Variants in JARID2 observed in about 807,000 individuals in gnomAD.
JARID2 encodes the protein protein Jumonji.
In JARID2, 21 loss-of-function variants were observed where a neutral mutation model predicts 125.6. The ratio of observed to expected loss-of-function variants is 0.17; its 90% CI spans 0.12 to 0.24. The LOEUF is 0.24. Among genes scored for constraint, JARID2 ranks in the 10% least tolerant of loss-of-function variants. The probability of loss-of-function intolerance (pLI) is 1.00; values close to 1 mark genes in which losing one functional copy is unlikely to be tolerated. For missense variants in JARID2, 1,303 were observed against 1,639.6 expected (o/e 0.79, Z 3.55); for synonymous variants, 736 against 661.6 (o/e 1.11, Z -1.73).
At chr6:15,403,616 T>C (rs959557897) in intron 2 of JARID2, among the ~76,000 whole-genome samples, 1 of 152,208 alleles carries the variant, frequency 6.6e-6, no homozygotes, top group African/African-American at 2.4e-5. Context: ...ATTTTCCTTA[T>C]CTACCCAGTG....
At chr6:15,498,853 G>T (rs1199855659) in intron 7 of JARID2, among the ~76,000 whole-genome samples, 6 of 152,246 alleles carry the variant, frequency 3.9e-5, no homozygotes, top group Non-Finnish European at 8.8e-5. Context: ...GACTACTTGG[G>T]ACACAGGATG....
intron 5 of JARID2, among the ~76,000 whole-genome samples, chr6:15,486,020 G>T (rs1043441739): frequency 6.6e-6 from 1 of 152,220 alleles, no homozygotes; most frequent in Non-Finnish European, 1.5e-5. Context: ...CCTGGTTGGG[G>T]TGGGGATGGC....
At chr6:15,490,660 G>A (rs1770107803) in intron 6 of JARID2, among the ~76,000 whole-genome samples, 1 of 152,224 alleles carries the variant, frequency 6.6e-6, no homozygotes, top group Non-Finnish European at 1.5e-5. Flanking sequence ...TAATAATTTG[G>A]TTGTATGGTA....
chr6:15,480,872 C>T (rs2237126), intron 5 of JARID2, among the ~76,000 whole-genome samples: 120,019 of 151,598 alleles, frequency 0.79, 47,559 homozygotes, highest in African/African-American at 0.83. Context: ...CGATCAGTTT[C>T]TCATAGGGCT....
At chr6:15,458,530 T>C (rs1450905438) in intron 4 of JARID2, among the ~76,000 whole-genome samples, 2 of 152,262 alleles carry the variant, frequency 1.3e-5, no homozygotes, top group Non-Finnish European at 2.9e-5. Context: ...AGTGATCAGC[T>C]GTCATTCAGT....
intron 1 of JARID2, among the ~76,000 whole-genome samples, chr6:15,303,776 CA>C (rs1237782820): frequency 6.6e-6 from 1 of 152,180 alleles, no homozygotes; most frequent in African/African-American, 2.4e-5. Flanking sequence ...AAGTTTTCAA[CA>C]ATTTGACAGT....
chr6:15,290,186 C>A (rs1463354549), intron 1 of JARID2, among the ~76,000 whole-genome samples: 1 of 152,218 alleles, frequency 6.6e-6, no homozygotes, highest in Non-Finnish European at 1.5e-5. Flanking sequence ...CCATTATTTT[C>A]AGCATAATGG....
chr6:15,404,362 A>G (rs1437527814), intron 2 of JARID2, among the ~76,000 whole-genome samples: 2 of 152,232 alleles, frequency 1.3e-5, no homozygotes, highest in African/African-American at 4.8e-5. Context: ...CCCTGCTTAA[A>G]AAGCAATTCA....
chr6:15,470,679 C>T (rs1769031826), intron 5 of JARID2, among the ~76,000 whole-genome samples: 2 of 150,488 alleles, frequency 1.3e-5, no homozygotes, highest in African/African-American at 4.9e-5. Context: ...TACATTTTAA[C>T]CTTTCGGGAA....
intron 2 of JARID2, among the ~76,000 whole-genome samples, chr6:15,404,742 A>G (rs1765581942): frequency 6.6e-6 from 1 of 152,196 alleles, no homozygotes. Context: ...GAGTCACCCT[A>G]ATATGCTAAT....
intron 1 of JARID2, among the ~76,000 whole-genome samples, chr6:15,283,077 CTT>C: frequency 6.6e-6 from 1 of 151,586 alleles, no homozygotes; most frequent in Admixed American, 6.6e-5. Flanking sequence ...CTCCCGGGTT[CTT>C]GCCATTCTCC....
intron 1 of JARID2, among the ~76,000 whole-genome samples, chr6:15,275,624 G>A (rs1760476114): frequency 7.0e-6 from 1 of 143,152 alleles, no homozygotes; most frequent in Non-Finnish European, 1.5e-5. Context: ...AAGGCATAAT[G>A]TAAGTTCAAG....
intron 11 of JARID2, among the ~76,000 whole-genome samples, 158 bp from the exon 12 acceptor site, chr6:15,508,182 A>G (rs998324635): frequency 2.6e-5 from 4 of 152,234 alleles, no homozygotes; most frequent in Non-Finnish European, 5.9e-5. Flanking sequence ...AGCAAGCAGG[A>G]AAGAGTAGGT....
chr6:15,512,838 C>A, intron 14 of JARID2, 77 bp from the exon 15 acceptor site: 2 of 1,363,744 alleles, frequency 1.5e-6, no homozygotes, highest in South Asian at 1.3e-5. Flanking sequence ...AGCCTGCCTG[C>A]CCCCTCCACC....
chr6:15,358,815 C>A (rs370234668), intron 1 of JARID2, among the ~76,000 whole-genome samples: 1 of 152,312 alleles, frequency 6.6e-6, no homozygotes, highest in South Asian at 2.1e-4. Context: ...AAGGAGTTGT[C>A]AGAATATAGA....
At chr6:15,302,041 T>C (rs1358701344) in intron 1 of JARID2, among the ~76,000 whole-genome samples, 1 of 152,218 alleles carries the variant, frequency 6.6e-6, no homozygotes, top group Non-Finnish European at 1.5e-5. Context: ...TTTTCATCTT[T>C]CTGAATGAAA....
chr6:15,475,264 G>T (rs947400019), intron 5 of JARID2, among the ~76,000 whole-genome samples: 3 of 152,196 alleles, frequency 2.0e-5, no homozygotes, highest in Admixed American at 1.3e-4. Context: ...AGGGTTCCTT[G>T]CAATAAAAAG....
chr6:15,427,472 A>G (rs76062389), intron 3 of JARID2, among the ~76,000 whole-genome samples: 12 of 152,106 alleles, frequency 7.9e-5, no homozygotes, highest in Non-Finnish European at 1.3e-4. Flanking sequence ...GATTGCAGGG[A>G]TATCACTTCC....
intron 5 of JARID2, among the ~76,000 whole-genome samples, chr6:15,477,504 G>GT (rs56055395): frequency 0.095 from 13,000 of 136,988 alleles, 639 homozygotes; most frequent in Non-Finnish European, 0.11. Context: ...GGGAGTGTTG[G>GT]TTTTTTTTTT....
Sources: gnomAD v4.1 joint callset for allele counts (sites outside exome capture counted in the v4.1 genomes callset) on GRCh38, gnomAD v4.1.1 for gene constraint, MANE v1.5 for transcripts, NCBI Gene and HGNC (gene_info 2026-07-23, HGNC 2026-07-21) for gene names.